The following ABHD18 variants were observed in gnomAD, a reference collection of about 807,000 sequenced individuals.
ABHD18 encodes abhydrolase domain containing 18.
ABHD18 carries 55 observed loss-of-function variants against 65.9 expected under a neutral mutation model. The observed-to-expected ratio is 0.84, with a 90% CI of 0.67 to 1.05. The LOEUF (loss-of-function observed/expected upper bound fraction) is 1.05, where lower values mean the gene tolerates loss of function less well. Among genes scored for constraint, ABHD18 ranks in the 50% least tolerant of loss-of-function variants. The probability of loss-of-function intolerance (pLI) is 0.00; values close to 1 mark genes in which losing one functional copy is unlikely to be tolerated. For synonymous variants in ABHD18, 181 were observed against 180.2 expected, an observed-to-expected ratio of 1.00 and a Z score of -0.04; for missense variants, 533 against 558.5, an observed-to-expected ratio of 0.95 and a Z score of 0.46.
At chr4:128,017,179 A>G (rs559529486) in intron 7 of ABHD18, among the ~76,000 whole-genome samples, 184 bp from the exon 8 acceptor site, 1 of 152,248 alleles carries the variant, frequency 6.6e-6, no homozygotes, top group Admixed American at 6.5e-5. Flanking sequence ...CAGCCTCCCA[A>G]AGTGCTGGGA....
intron 4 of ABHD18, among the ~76,000 whole-genome samples, chr4:128,002,727 C>T (rs1027003169): frequency 4.6e-5 from 7 of 151,654 alleles, no homozygotes; most frequent in African/African-American, 1.7e-4. Flanking sequence ...CACGACAAGC[C>T]CTGTCTCCTG....
intron 12 of ABHD18, among the ~76,000 whole-genome samples, chr4:128,034,294 T>C (rs1236942010): frequency 1.3e-5 from 2 of 152,096 alleles, no homozygotes; most frequent in Non-Finnish European, 2.9e-5. Flanking sequence ...AGGAAAGATA[T>C]GAAAAGGTTA....
chr4:127,990,662 G>A (rs193055833), intron 4 of ABHD18, among the ~76,000 whole-genome samples: 3 of 152,194 alleles, frequency 2.0e-5, no homozygotes, highest in East Asian at 1.9e-4. Flanking sequence ...ATTAAGAAAC[G>A]TGGTAACTTA....
intron 4 of ABHD18, among the ~76,000 whole-genome samples, chr4:127,995,306 A>G (rs1751561055): frequency 1.3e-5 from 2 of 152,230 alleles, no homozygotes; most frequent in African/African-American, 4.8e-5. Context: ...TGTAACAAAA[A>G]CAGCTATCCT....
chr4:127,974,205 T>G (rs60237586), intron 1 of ABHD18, among the ~76,000 whole-genome samples: 2,672 of 145,432 alleles, frequency 0.018, 64 homozygotes, highest in African/African-American at 0.064. Flanking sequence ...TTTTTTTTTT[T>G]TTTTTTTTTT....
chr4:128,019,531 C>G (rs1157834131), intron 8 of ABHD18, among the ~76,000 whole-genome samples: 1 of 152,194 alleles, frequency 6.6e-6, no homozygotes, highest in Non-Finnish European at 1.5e-5. Flanking sequence ...CTGCCTTTCC[C>G]TTCTGATTCC....
At chr4:128,005,784 G>A (rs866427930) in intron 4 of ABHD18, among the ~76,000 whole-genome samples, 11 of 152,216 alleles carry the variant, frequency 7.2e-5, no homozygotes, top group African/African-American at 2.2e-4. Flanking sequence ...TTTTAGAAGC[G>A]GGAAATGGGA....
chr4:128,030,085 T>A (rs1308333411), intron 11 of ABHD18, among the ~76,000 whole-genome samples: 1 of 151,926 alleles, frequency 6.6e-6, no homozygotes, highest in Non-Finnish European at 1.5e-5. Flanking sequence ...AGCCCAGGAG[T>A]TCAAGGCTGT....
intron 3 of ABHD18, among the ~76,000 whole-genome samples, chr4:127,988,289 G>A (rs1750333910): frequency 6.6e-6 from 1 of 152,154 alleles, no homozygotes; most frequent in Admixed American, 6.6e-5. Flanking sequence ...GCACTGCAGT[G>A]GTGTAATCAT....
chr4:128,007,166 G>A (rs1255730696), intron 4 of ABHD18, among the ~76,000 whole-genome samples: 1 of 151,216 alleles, frequency 6.6e-6, no homozygotes, highest in African/African-American at 2.4e-5. Context: ...AAGAAATAAA[G>A]AAATTAGCCA....
At position 128,028,596 on chromosome 4, in the gene ABHD18, C is replaced by T. The variant is rs1163813206; in HGVS notation, c.923C>T (p.Ser308Phe). Residue 308 changes from serine (S) to phenylalanine (F), a missense_variant, in exon 11 of 13, where the codon TCC (serine) becomes TTC (phenylalanine). Around this residue, in one of 3 missense-constraint regions of ABHD18, gnomAD observed 220 missense variants for 226.8 expected, o/e 0.97. Coordinates refer to ENST00000645843, the MANE Select transcript of ABHD18 (RefSeq NM_001358451.3). ...TTAGATATATCAAACCAAGTTGTAT[C>T]CCAAAAACCTGCTGACTGCCATAAT... ...LNLDISNQVV[S>F]QKPADCHNSS... 1 of 1,613,812 alleles carries T rather than the reference C, an allele frequency of 6.2e-7. No homozygotes were observed. The highest frequency in any genetic ancestry group is 8.5e-7 in the Non-Finnish European group (1 of 1,179,828).
chr4:128,013,304 A>G (rs1031343772), intron 7 of ABHD18, among the ~76,000 whole-genome samples: 8 of 152,178 alleles, frequency 5.3e-5, no homozygotes, highest in Admixed American at 3.9e-4. Flanking sequence ...ACTTTAGTTT[A>G]ACTAGGTAGT....
At chr4:128,025,928 T>G (rs950696261) in intron 10 of ABHD18, among the ~76,000 whole-genome samples, 1 of 151,990 alleles carries the variant, frequency 6.6e-6, no homozygotes, top group Admixed American at 6.6e-5. Context: ...GAGGCCGAGG[T>G]GGGCAGATCA....
At chr4:127,977,055 CTAATT>C (rs1483429309) in intron 1 of ABHD18, among the ~76,000 whole-genome samples, 2 of 151,760 alleles carry the variant, frequency 1.3e-5, no homozygotes, top group East Asian at 3.9e-4. Context: ...AAAAAAAAAA[CTAATT>C]AAATAATAAA....
chr4:128,022,239 C>A (rs1273538080), intron 10 of ABHD18, among the ~76,000 whole-genome samples: 1 of 152,184 alleles, frequency 6.6e-6, no homozygotes, highest in Non-Finnish European at 1.5e-5. Context: ...AATAAAAAAT[C>A]AATCAATCAA....
At chr4:128,027,018 G>T (rs1467704791) in intron 10 of ABHD18, among the ~76,000 whole-genome samples, 2 of 152,058 alleles carry the variant, frequency 1.3e-5, no homozygotes, top group Non-Finnish European at 1.5e-5. Flanking sequence ...CTGACCTCAA[G>T]TGATCAACCC....
At chr4:127,974,066 A>C (rs994993993) in intron 1 of ABHD18, among the ~76,000 whole-genome samples, 14 of 152,118 alleles carry the variant, frequency 9.2e-5, no homozygotes, top group Non-Finnish European at 1.9e-4. Flanking sequence ...TGGAGGAAAC[A>C]AACTAGATGC....
intron 1 of ABHD18, among the ~76,000 whole-genome samples, chr4:127,980,544 C>T (rs546607547): frequency 4.3e-4 from 65 of 150,734 alleles, no homozygotes; most frequent in South Asian, 1.9e-3. Context: ...TGGAAGGGGG[C>T]CAGGTACAGT....
chr4:128,011,770 C>T, intron 7 of ABHD18, 70 bp downstream of exon 7: 3 of 1,170,354 alleles, frequency 2.6e-6, no homozygotes, highest in South Asian at 3.8e-5. Flanking sequence ...ATTTTGGTTG[C>T]CTTCAGTTAA....
Sources: gnomAD v4.1 joint callset for allele counts (sites outside exome capture counted in the v4.1 genomes callset) on GRCh38, gnomAD v4.1.1 for gene constraint, gnomAD v4.1.1 regional missense constraint, MANE v1.5 for transcripts, NCBI Gene and HGNC (gene_info 2026-07-23, HGNC 2026-07-21) for gene names.